NRG1: variants seen among roughly 807,000 people sequenced by gnomAD.
NRG1 encodes pro-neuregulin-1, membrane-bound isoform.
NRG1 carries 18 observed loss-of-function variants against 63.8 expected under a neutral mutation model. That is an observed-to-expected ratio of 0.28 (90% CI 0.19 to 0.42). NRG1 has a LOEUF of 0.42. Ranked by LOEUF, NRG1 falls within the 10% of genes least tolerant of loss-of-function variation. The probability of loss-of-function intolerance (pLI) is 1.00; values close to 1 mark genes in which losing one functional copy is unlikely to be tolerated. For synonymous variants in NRG1, 302 were observed against 301.3 expected, an observed-to-expected ratio of 1.00 and a Z score of -0.02; for missense variants, 762 against 814.7, an observed-to-expected ratio of 0.94 and a Z score of 0.79.
chr8:32,144,386 G>GGTGTGT (rs58220737), intron 1 of NRG1, among the ~76,000 whole-genome samples: 8,912 of 150,946 alleles, frequency 0.059, 504 homozygotes, highest in East Asian at 0.34. Context: ...TGTTTATGGA[G>GGTGTGT]GTGTGTGTGT....
rs368104629 is a variant in NRG1 at position 31,870,339 on chromosome 8, T to C, written c.37+230908T>C. Among the ~76,000 whole-genome samples the C allele has an allele frequency of 6.6e-5, 10 of 152,274 alleles. No individual in the cohort carries two copies. The South Asian group carries it at 8.3e-4, about 13-fold the overall frequency. On this transcript the variant is annotated intron_variant, in intron 1 of 10. Transcript: ENST00000519301. Reference sequence around the variant, plus strand: ...CAATTATGAGATAGGTGTGATAACATAGATGGCTTAATAAAATACAAAATA... The same window carrying C: ...CAATTATGAGATAGGTGTGATAACACAGATGGCTTAATAAAATACAAAATA...
chr8:31,865,317 C>G (rs1390910349), intron 1 of NRG1, among the ~76,000 whole-genome samples: 1 of 152,078 alleles, frequency 6.6e-6, no homozygotes, highest in African/African-American at 2.4e-5. Context: ...GACAGAACAC[C>G]CCCTTTCCAG....
intron 1 of NRG1, among the ~76,000 whole-genome samples, chr8:32,103,238 T>C (rs1564125): frequency 0.85 from 129,459 of 152,094 alleles, 56,310 homozygotes; most frequent in Non-Finnish European, 0.94. Flanking sequence ...CTCCATGGGT[T>C]CAGTTGTTTT....
At chr8:32,064,801 A>G (rs1824476148) in intron 1 of NRG1, among the ~76,000 whole-genome samples, 1 of 152,164 alleles carries the variant, frequency 6.6e-6, no homozygotes, top group Admixed American at 6.6e-5. Context: ...ACTGCTAGTG[A>G]AAAAATAAAC....
At chr8:32,486,626 G>GA (rs751650852) in intron 1 of NRG1, among the ~76,000 whole-genome samples, 7 of 70,956 alleles carry the variant, frequency 9.9e-5, no homozygotes, top group Non-Finnish European at 8.6e-5. Context: ...AGAATTGCTG[G>GA]ATTTTTTTTT....
Position 31,825,700 on chromosome 8 carries a change from G to T in NRG1, c.37+186269G>T, listed in dbSNP as rs1022189340. On this transcript the variant is annotated intron_variant, in intron 1 of 10. Transcript: ENST00000519301. ...GAGGAGAGAGAAAGAACAAAGCTTGGATGGCAAGTTAACTTAGGTCATCTA... is the reference window on the plus strand; with the variant it reads ...GAGGAGAGAGAAAGAACAAAGCTTGTATGGCAAGTTAACTTAGGTCATCTA... Among the ~76,000 whole-genome samples the T allele has an allele frequency of 3.9e-5, 6 of 152,232 alleles. No homozygotes were observed. In the East Asian group the frequency reaches 9.7e-4, roughly 25 times the overall value.
chr8:31,880,920 C>A (rs1460774380), intron 1 of NRG1, among the ~76,000 whole-genome samples: 1 of 151,990 alleles, frequency 6.6e-6, no homozygotes, highest in Non-Finnish European at 1.5e-5. Flanking sequence ...GGAGTATATG[C>A]ATTTGTCTAT....
rs78288797 is a variant in NRG1, at chr8:32,431,669, T to C, written c.38-164159T>C. On this transcript the variant is annotated intron_variant, in intron 1 of 10. Transcript: ENST00000519301. ...CCCTGTCTGTGCTTATTTTGTGTTT[T>C]CACAACACAAAATATTTTAACGATG... Among the ~76,000 whole-genome samples the C allele has an allele frequency of 2.9e-3, 447 of 152,236 alleles. 4 individuals carry two copies. The highest frequency in any genetic ancestry group is 0.01 in the African/African-American group (426 of 41,568).
intron 1 of NRG1, among the ~76,000 whole-genome samples, chr8:32,011,059 G>A (rs1171049429): frequency 6.6e-6 from 1 of 151,988 alleles, no homozygotes; most frequent in Non-Finnish European, 1.5e-5. Flanking sequence ...ATGATAATAA[G>A]ATACAAAAGA....
intron 5 of NRG1, among the ~76,000 whole-genome samples, chr8:32,720,846 A>T (rs1056399749): frequency 6.6e-6 from 1 of 152,198 alleles, no homozygotes; most frequent in Non-Finnish European, 1.5e-5. Flanking sequence ...TTGAAAAATA[A>T]CCTTTCCTGG....
intron 5 of NRG1, among the ~76,000 whole-genome samples, chr8:32,646,370 A>G (rs546327506): frequency 2.0e-5 from 3 of 152,334 alleles, no homozygotes; most frequent in Admixed American, 2.0e-4. Context: ...TGTTGGTTGA[A>G]AATCAGGTAA....
chr8:31,876,575 T>C (rs1275768066), intron 1 of NRG1, among the ~76,000 whole-genome samples: 2 of 152,164 alleles, frequency 1.3e-5, no homozygotes, highest in African/African-American at 2.4e-5. Context: ...CTTGTAACAC[T>C]ATTAGTTATG....
chr8:32,175,936 C>A (rs1444305251), intron 1 of NRG1, among the ~76,000 whole-genome samples: 1 of 152,126 alleles, frequency 6.6e-6, no homozygotes. Context: ...CAATGCCATC[C>A]CCATCAAGCT....
At chr8:31,884,930 T>G (rs2129613180) in intron 1 of NRG1, among the ~76,000 whole-genome samples, 1 of 152,044 alleles carries the variant, frequency 6.6e-6, no homozygotes, top group East Asian at 1.9e-4. Flanking sequence ...TTTTATGGAG[T>G]GATTTTAGAG....
At chr8:32,551,314 G>A (rs546641106) in intron 1 of NRG1, among the ~76,000 whole-genome samples, 5 of 152,310 alleles carry the variant, frequency 3.3e-5, no homozygotes, top group African/African-American at 1.2e-4. Context: ...CTTAGTGCCT[G>A]TCAGTTCCAA....
At chr8:31,813,009 C>T (rs1465322397) in intron 1 of NRG1, among the ~76,000 whole-genome samples, 1 of 152,140 alleles carries the variant, frequency 6.6e-6, no homozygotes, top group Non-Finnish European at 1.5e-5. Context: ...ATATGAAAAG[C>T]ATCTGAACCA....
chr8:32,559,396 TA>T (rs1305892262), intron 1 of NRG1, among the ~76,000 whole-genome samples: 1 of 152,152 alleles, frequency 6.6e-6, no homozygotes, highest in African/African-American at 2.4e-5. Flanking sequence ...CATTTGTAAC[TA>T]AAAGCCTCTT....
intron 1 of NRG1, among the ~76,000 whole-genome samples, chr8:31,817,246 A>G (rs1455959644): frequency 1.3e-5 from 2 of 152,242 alleles, no homozygotes; most frequent in Admixed American, 1.3e-4. Context: ...ACTTCTCACC[A>G]TGGAATAATG....
At chr8:31,902,850 C>A (rs912597466) in intron 1 of NRG1, among the ~76,000 whole-genome samples, 1 of 152,096 alleles carries the variant, frequency 6.6e-6, no homozygotes, top group Non-Finnish European at 1.5e-5. Flanking sequence ...TGTTGACACT[C>A]CTCCATTGGG....
Sources: allele counts gnomAD v4.1 joint callset (sites outside exome capture counted in the v4.1 genomes callset), GRCh38; gene constraint gnomAD v4.1.1; transcripts MANE v1.5; gene names NCBI Gene and HGNC (gene_info 2026-07-23, HGNC 2026-07-21).